The following MRTFA variants were observed in gnomAD, a reference collection of about 807,000 sequenced individuals.
MRTFA encodes the protein myocardin-related transcription factor A.
A neutral mutation model predicts 83.5 loss-of-function variants in MRTFA; 20 were observed. The observed-to-expected ratio is 0.24, with a 90% CI of 0.17 to 0.35. The LOEUF is 0.35. MRTFA is among the 10% of genes least tolerant of loss of function. The pLI is 1.00. For synonymous variants in MRTFA, 659 were observed against 541.2 expected, an observed-to-expected ratio of 1.22 and a Z score of -3.02; for missense variants, 1,200 against 1,224.7, an observed-to-expected ratio of 0.98 and a Z score of 0.30.
chr22:40,582,802 T>A (rs144569053), intron 2 of MRTFA, among the ~76,000 whole-genome samples: 158 of 152,234 alleles, frequency 1.0e-3, no homozygotes, highest in African/African-American at 3.7e-3. Context: ...ATTAGCTCCT[T>A]TAAGGTTACA....
At chr22:40,424,093 C>T (rs2052901054) in intron 8 of MRTFA, 113 bp downstream of exon 8, 2 of 1,185,714 alleles carry the variant, frequency 1.7e-6, no homozygotes, top group Admixed American at 5.7e-5. Context: ...GGTAGCATCC[C>T]CCTGGCTTCC....
intron 3 of MRTFA, among the ~76,000 whole-genome samples, chr22:40,476,579 A>T (rs774959610): frequency 2.0e-5 from 3 of 152,072 alleles, no homozygotes; most frequent in Non-Finnish European, 4.4e-5. Flanking sequence ...CTCTTGCCTC[A>T]GCTTCTTCAG....
intron 3 of MRTFA, chr22:40,526,120 A>T (rs1242660550): frequency 6.6e-6 from 1 of 151,732 alleles, no homozygotes; most frequent in African/African-American, 2.4e-5. Flanking sequence ...GGCTCAACTG[A>T]TCCTCCCCAC....
chr22:40,431,138 CAG>C (rs2147093875), intron 6 of MRTFA, among the ~76,000 whole-genome samples: 1 of 152,248 alleles, frequency 6.6e-6, no homozygotes, highest in South Asian at 2.1e-4. Context: ...CAGATTTTGG[CAG>C]AGAGAAGCGA....
intron 8 of MRTFA, 60 bp from the exon 9 acceptor site, chr22:40,423,745 G>T: frequency 7.0e-7 from 1 of 1,425,378 alleles, no homozygotes; most frequent in Non-Finnish European, 9.4e-7. Context: ...TGCCCAGCCT[G>T]CCCTGACCCT....
chr22:40,469,522 C>T (rs1315875872), intron 3 of MRTFA, among the ~76,000 whole-genome samples: 2 of 152,180 alleles, frequency 1.3e-5, no homozygotes. Flanking sequence ...AACCTCTTTT[C>T]TTTATAAATT....
intron 3 of MRTFA, among the ~76,000 whole-genome samples, chr22:40,502,513 C>T (rs1034320246): frequency 3.5e-5 from 5 of 142,062 alleles, no homozygotes; most frequent in African/African-American, 1.3e-4. Context: ...GGCGGCTGCG[C>T]TCCTCACTTC....
intron 4 of MRTFA, among the ~76,000 whole-genome samples, chr22:40,449,093 G>A (rs749082954): frequency 6.6e-6 from 1 of 151,844 alleles, no homozygotes; most frequent in Non-Finnish European, 1.5e-5. Context: ...GTGAAACCCC[G>A]TCTCTACTAA....
rs538468753 is a variant in MRTFA at position 40,464,524 on chromosome 22, GAAA to G, written c.242-1241_242-1239del. On this transcript the variant is annotated intron_variant, in intron 3 of 14. Coordinates refer to ENST00000355630, the MANE Select transcript of MRTFA (RefSeq NM_020831.6). ...ACCCCGTCTAAAAAAAAAAAAGAAA[GAAA>G]AAAAAGAAAATGTTCAGAGGAGGAG... Among the ~76,000 whole-genome samples the G allele has an allele frequency of 7.4e-3, 1,120 of 150,452 alleles. 15 individuals carry two copies. The highest frequency in any genetic ancestry group is 0.026 in the African/African-American group (1,077 of 40,964).
chr22:40,438,325 C>G (rs1186650989), intron 4 of MRTFA, among the ~76,000 whole-genome samples: 1 of 152,290 alleles, frequency 6.6e-6, no homozygotes, highest in East Asian at 1.9e-4. Context: ...TTGGTTGAAT[C>G]ACTGGCTTGA....
chr22:40,480,283 T>C (rs1020594490), intron 3 of MRTFA, among the ~76,000 whole-genome samples: 16 of 152,068 alleles, frequency 1.1e-4, no homozygotes, highest in African/African-American at 3.9e-4. Context: ...TATTTTTTTT[T>C]TTTTATGTTT....
intron 3 of MRTFA, among the ~76,000 whole-genome samples, chr22:40,504,811 A>G (rs1310329915): frequency 1.3e-5 from 2 of 152,196 alleles, no homozygotes; most frequent in African/African-American, 4.8e-5. Flanking sequence ...TTCTCTGGAT[A>G]TAGTATCTTT....
At chr22:40,474,857 G>C (rs1335823420) in intron 3 of MRTFA, among the ~76,000 whole-genome samples, 1 of 151,728 alleles carries the variant, frequency 6.6e-6, no homozygotes, top group Non-Finnish European at 1.5e-5. Context: ...TTTCTTTCCT[G>C]AGATGGAATC....
At chr22:40,609,479 TAACA>T (rs2056359113) in intron 1 of MRTFA, among the ~76,000 whole-genome samples, 1 of 56,802 alleles carries the variant, frequency 1.8e-5, no homozygotes, top group South Asian at 6.6e-4. Context: ...CCTGTCTCTT[TAACA>T]AAAAAAAAAA....
intron 9 of MRTFA, among the ~76,000 whole-genome samples, chr22:40,422,811 G>A (rs1481865706): frequency 6.6e-6 from 1 of 152,358 alleles, no homozygotes; most frequent in Non-Finnish European, 1.5e-5. Context: ...CTCTCCTGAG[G>A]CTCAGATGGC....
chr22:40,583,463 T>C (rs2055979501), intron 2 of MRTFA, among the ~76,000 whole-genome samples: 1 of 152,146 alleles, frequency 6.6e-6, no homozygotes, highest in African/African-American at 2.4e-5. Context: ...ACAAAGAGAA[T>C]GTTGCAAGTA....
At position 40,547,626 on chromosome 22, in the gene MRTFA, C is replaced by T. The variant is rs912680128; in HGVS notation, c.241+4480G>A. Among the ~76,000 whole-genome samples the T allele has an allele frequency of 4.0e-5, 6 of 151,834 alleles. 1 individual carries two copies. The highest frequency in any genetic ancestry group is 2.6e-4 in the Admixed American group (4 of 15,234). On this transcript the variant is annotated intron_variant, in intron 3 of 14. Transcript: ENST00000355630. ...TCAGCATTTTGGAGGACAAGGTGGA[C>T]GAATAACTTGAGGTTAGGAGTTCAA... is the stretch of plus-strand genomic sequence containing the variant.
Position 40,418,518 on chromosome 22 carries a change from C to T in MRTFA, c.2220G>A (p.Leu740=). The change falls in exon 12 of 15, where the codon TTG becomes TTA. Residue 740 remains leucine, a synonymous_variant. Coordinates refer to ENST00000355630, the MANE Select transcript of MRTFA (RefSeq NM_020831.6). Reference sequence around the variant, plus strand: ...GGCTGGGGCCCTGAGGCCCCAGAAGCAACTGGGGGGCGGGGACCGGCTCGG... The same window carrying T: ...GGCTGGGGCCCTGAGGCCCCAGAAGTAACTGGGGGGCGGGGACCGGCTCGG... 1 of 1,592,910 alleles carries T rather than the reference C, an allele frequency of 6.3e-7. No homozygotes were observed. The highest frequency in any genetic ancestry group is 1.1e-5 in the South Asian group (1 of 88,234).
intron 2 of MRTFA, among the ~76,000 whole-genome samples, chr22:40,571,185 C>A (rs867389662): frequency 6.6e-6 from 1 of 151,344 alleles, no homozygotes; most frequent in African/African-American, 2.4e-5. Flanking sequence ...ATAGTATGGG[C>A]GACAGGAGTG....
Sources: gnomAD v4.1 joint callset for allele counts (sites outside exome capture counted in the v4.1 genomes callset) on GRCh38, gnomAD v4.1.1 for gene constraint, MANE v1.5 for transcripts, NCBI Gene and HGNC (gene_info 2026-07-23, HGNC 2026-07-21) for gene names.